Variants in TENT4B observed in about 807,000 individuals in gnomAD.
The protein encoded by TENT4B is terminal nucleotidyltransferase 4B.
Under a neutral mutation model 75.0 loss-of-function variants are expected in TENT4B, and 10 were observed. That is an observed-to-expected ratio of 0.13 (90% CI 0.08 to 0.23). The LOEUF (loss-of-function observed/expected upper bound fraction) is 0.23. Ranked by LOEUF, TENT4B falls within the 10% of genes least tolerant of loss-of-function variation. TENT4B has a pLI of 1.00. For synonymous variants in TENT4B, 350 were observed against 357.7 expected, an observed-to-expected ratio of 0.98 and a Z score of 0.24; for missense variants, 579 against 893.8, an observed-to-expected ratio of 0.65 and a Z score of 4.49.
upstream of TENT4B, chr16:50,153,020 C>G (rs1210477131): frequency 6.6e-7 from 1 of 1,515,456 alleles, no homozygotes; most frequent in African/African-American, 1.4e-5. Flanking sequence ...CTCAGAAGCT[C>G]CCGGACGCCC....
At chr16:50,203,436 G>A (rs997247197) in intron 1 of TENT4B, among the ~76,000 whole-genome samples, 1 of 152,154 alleles carries the variant, frequency 6.6e-6, no homozygotes, top group Non-Finnish European at 1.5e-5. Flanking sequence ...AGGTAGGCAC[G>A]TTGTGTAAAC....
At chr16:50,213,764 T>A (rs1403082828) in intron 2 of TENT4B, among the ~76,000 whole-genome samples, 1 of 152,152 alleles carries the variant, frequency 6.6e-6, no homozygotes, top group African/African-American at 2.4e-5. Flanking sequence ...ACAATACAAA[T>A]TATTTTAAAA....
chr16:50,188,858 T>C (rs1040647094), intron 1 of TENT4B, among the ~76,000 whole-genome samples: 21 of 152,160 alleles, frequency 1.4e-4, no homozygotes, highest in African/African-American at 4.8e-4. Context: ...AGCAAGACCC[T>C]GATACCTTGG....
chr16:50,208,857 C>T (rs1398753935), intron 1 of TENT4B, among the ~76,000 whole-genome samples: 2 of 152,108 alleles, frequency 1.3e-5, no homozygotes, highest in African/African-American at 2.4e-5. Context: ...CTCATCCTCC[C>T]GAGGAGCTGG....
At chr16:50,225,545 CCTGT>C (rs1176074679) in intron 10 of TENT4B, among the ~76,000 whole-genome samples, 1 of 152,214 alleles carries the variant, frequency 6.6e-6, no homozygotes, top group Non-Finnish European at 1.5e-5. Flanking sequence ...TTATGTCATA[CCTGT>C]CTATCCATCA....
At chr16:50,196,407 TG>T (rs2030244503) in intron 1 of TENT4B, among the ~76,000 whole-genome samples, 1 of 152,176 alleles carries the variant, frequency 6.6e-6, no homozygotes, top group African/African-American at 2.4e-5. Flanking sequence ...ACATTTTTGT[TG>T]TTACCACAGT....
At chr16:50,211,477 G>T in intron 2 of TENT4B, 31 bp downstream of exon 2, 1 of 1,539,036 alleles carries the variant, frequency 6.5e-7, no homozygotes, top group South Asian at 1.3e-5. Flanking sequence ...CTTATGCTTC[G>T]GACAGTCCTT....
At position 50,234,885 on chromosome 16, in the gene TENT4B, T is replaced by C; in HGVS notation, c.*5557T>C. Reference sequence around the variant, plus strand: ...TAGAAACTTTGGTGAAGCCAGTATTTGTTTTTAGTAACCTTTTTATGTATT... The same window carrying C: ...TAGAAACTTTGGTGAAGCCAGTATTCGTTTTTAGTAACCTTTTTATGTATT... On this transcript the variant is annotated 3_prime_UTR_variant, in exon 12 of 12. Coordinates refer to ENST00000561678, the MANE Select transcript of TENT4B (RefSeq NM_001365324.3). 2 of 985,840 alleles carry C rather than the reference T, an allele frequency of 2.0e-6. No individual in the cohort carries two copies. Among genetic ancestry groups the C allele is most frequent in the South Asian group, 9.4e-5 (2 of 21,290 alleles). The allele number at this position is 985,840 out of a possible 1,614,324, so 61.1% of individuals were successfully genotyped here.
At chr16:50,162,696 CT>C (rs973595661) in intron 1 of TENT4B, among the ~76,000 whole-genome samples, 6 of 151,876 alleles carry the variant, frequency 4.0e-5, no homozygotes, top group Non-Finnish European at 5.9e-5. Flanking sequence ...AACATTTTAA[CT>C]TTTTTTTGTC....
chr16:50,153,152 G>GGGCGGGGCGAGCGCGTGA, upstream of TENT4B: 1 of 519,656 alleles, frequency 1.9e-6, no homozygotes, highest in African/African-American at 2.3e-5. Flanking sequence ...CGGCGCAGCG[G>GGGCGGGGCGAGCGCGTGA]GGGCGGGGCG....
chr16:50,201,225 G>GT (rs923772169), intron 1 of TENT4B, among the ~76,000 whole-genome samples: 1 of 152,014 alleles, frequency 6.6e-6, no homozygotes, highest in African/African-American at 2.4e-5. Flanking sequence ...ATTTGGTTTT[G>GT]TTTTTTTGCT....
chr16:50,212,381 G>A (rs1465120916), intron 2 of TENT4B, among the ~76,000 whole-genome samples: 3 of 152,148 alleles, frequency 2.0e-5, no homozygotes, highest in East Asian at 1.9e-4. Flanking sequence ...AAGTTAATAC[G>A]TCACTTTTTA....
chr16:50,189,139 C>T (rs910401371), intron 1 of TENT4B, among the ~76,000 whole-genome samples: 1 of 152,112 alleles, frequency 6.6e-6, no homozygotes, highest in African/African-American at 2.4e-5. Context: ...TGAATACAAA[C>T]AAAATAAAAG....
At chr16:50,167,554 A>T (rs1449121233) in intron 1 of TENT4B, among the ~76,000 whole-genome samples, 1 of 151,438 alleles carries the variant, frequency 6.6e-6, no homozygotes, top group East Asian at 1.9e-4. Context: ...CATACGTAAG[A>T]AACTGTTGCT....
chr16:50,170,193 G>A (rs901996164), intron 1 of TENT4B, among the ~76,000 whole-genome samples: 2 of 151,590 alleles, frequency 1.3e-5, no homozygotes, highest in Non-Finnish European at 2.9e-5. Context: ...CTAATTTTTT[G>A]TATTTTTAGC....
chr16:50,165,308 T>C (rs1460801310), intron 1 of TENT4B, among the ~76,000 whole-genome samples: 1 of 152,074 alleles, frequency 6.6e-6, no homozygotes, highest in African/African-American at 2.4e-5. Flanking sequence ...TTACCAGACA[T>C]GGATTAAGCT....
intron 5 of TENT4B, among the ~76,000 whole-genome samples, chr16:50,221,402 G>T (rs765805892): frequency 6.6e-6 from 1 of 152,144 alleles, no homozygotes; most frequent in Non-Finnish European, 1.5e-5. Context: ...ACAGCAAAAG[G>T]TGGACTCATT....
intron 10 of TENT4B, 53 bp from the exon 11 acceptor site, chr16:50,227,786 T>A: frequency 6.3e-7 from 1 of 1,582,686 alleles, no homozygotes; most frequent in Non-Finnish European, 8.7e-7. Context: ...TTCTGAATAT[T>A]GAGTATCTAA....
chr16:50,228,151 A>C (rs1171262828), intron 11 of TENT4B, 148 bp downstream of exon 11: 2 of 1,000,522 alleles, frequency 2.0e-6, no homozygotes, highest in Non-Finnish European at 2.9e-6. Flanking sequence ...AACACATGAC[A>C]GTGCTTCTAG....
Sources: allele counts gnomAD v4.1 joint callset (sites outside exome capture counted in the v4.1 genomes callset), GRCh38; gene constraint gnomAD v4.1.1; transcripts MANE v1.5; gene names NCBI Gene and HGNC (gene_info 2026-07-23, HGNC 2026-07-21).